The following ATP10A variants were observed in gnomAD, a reference collection of about 807,000 sequenced individuals.
ATP10A encodes phospholipid-transporting ATPase VA.
In ATP10A, 111 loss-of-function variants were observed where a neutral mutation model predicts 147.8. The observed-to-expected ratio is 0.75, with a 90% CI of 0.64 to 0.88. The LOEUF is 0.88. Ranked by LOEUF, ATP10A falls within the 40% of genes least tolerant of loss-of-function variation. The pLI is 0.00. For missense variants in ATP10A, 1,927 were observed against 1,959.0 expected (o/e 0.98, Z 0.31); for synonymous variants, 875 against 841.6 (o/e 1.04, Z -0.69).
At chr15:25,694,167 GCCA>G (rs1445328982) in intron 14 of ATP10A, among the ~76,000 whole-genome samples, 1 of 152,204 alleles carries the variant, frequency 6.6e-6, no homozygotes, top group Non-Finnish European at 1.5e-5. Flanking sequence ...GAGGCGAGTG[GCCA>G]CCATCCCCTC....
rs1245583709 is a variant in ATP10A, at chr15:25,713,781, C to T, written c.2237G>A (p.Arg746His). 6.2e-7 allele frequency: 1 copy of T among 1,614,120 alleles called. No homozygotes were observed. The highest frequency in any genetic ancestry group is 8.5e-7 in the Non-Finnish European group (1 of 1,180,042). The change falls in exon 10 of 21, where the codon CGC (arginine) becomes CAC (histidine). Residue 746 changes from arginine to histidine, a missense_variant. By Grantham distance (29) the Arg-to-His change is conservative. Coordinates refer to ENST00000555815, the MANE Select transcript of ATP10A (RefSeq NM_024490.4). The part of the protein sequence containing the change: ...LLHTLGFDSV[R>H]KRMSVVIRHP... Reference sequence around the variant, plus strand: ...CCGGATCACCACTGACATCCTCTTGCGGACGGAATCGAAACCCAGTGTGTG... The same window carrying T: ...CCGGATCACCACTGACATCCTCTTGTGGACGGAATCGAAACCCAGTGTGTG...
chr15:25,742,272 G>A (rs1187894403), intron 2 of ATP10A, among the ~76,000 whole-genome samples: 2 of 139,314 alleles, frequency 1.4e-5, no homozygotes, highest in Non-Finnish European at 3.3e-5. Context: ...GCTTCACACA[G>A]GTCCACAGGT....
rs184370643 is a variant in ATP10A, at chr15:25,796,391, C to A, written c.450-15168G>T. Among the ~76,000 whole-genome samples the A allele has an allele frequency of 3.5e-3, 353 of 100,640 alleles. 3 individuals are homozygous for A. The highest frequency in any genetic ancestry group is 0.013 in the African/African-American group (343 of 26,956). 66.0% of individuals were successfully genotyped at this position (100,640 alleles called of 152,430 possible). A position where few individuals can be genotyped will look rare whatever the true frequency, so the allele number is the denominator to read the frequency against. ...CTACACTTCAGCCTGAACAAAAGAGCGAGACCCTGTCTCAAAAAAAAAGTA... is the reference window on the plus strand; with the variant it reads ...CTACACTTCAGCCTGAACAAAAGAGAGAGACCCTGTCTCAAAAAAAAAGTA... On this transcript the variant is annotated intron_variant, in intron 1 of 20. Transcript: ENST00000555815.
At chr15:25,776,503 G>A (rs1177774088) in intron 2 of ATP10A, among the ~76,000 whole-genome samples, 4 of 152,220 alleles carry the variant, frequency 2.6e-5, no homozygotes, top group Non-Finnish European at 2.9e-5. Flanking sequence ...TAGGCCTGGC[G>A]TGCAGGAGGC....
At chr15:25,696,690 G>A (rs1357027847) in intron 13 of ATP10A, among the ~76,000 whole-genome samples, 3 of 152,254 alleles carry the variant, frequency 2.0e-5, no homozygotes, top group Non-Finnish European at 2.9e-5. Context: ...GAACCTGGAC[G>A]TGGGCTCCAA....
At chr15:25,750,142 A>T (rs925035261) in intron 2 of ATP10A, among the ~76,000 whole-genome samples, 13 of 152,090 alleles carry the variant, frequency 8.5e-5, no homozygotes, top group Non-Finnish European at 1.6e-4. Flanking sequence ...AGAAAATTAC[A>T]AAGCATATCA....
chr15:25,735,269 C>T (rs2140485121), intron 3 of ATP10A, among the ~76,000 whole-genome samples: 1 of 152,294 alleles, frequency 6.6e-6, no homozygotes, highest in Non-Finnish European at 1.5e-5. Context: ...TCCCCAAGGG[C>T]CCTGGCAGGC....
intron 1 of ATP10A, among the ~76,000 whole-genome samples, chr15:25,796,646 T>A (rs1196503504): frequency 6.6e-6 from 1 of 152,174 alleles, no homozygotes; most frequent in Admixed American, 6.5e-5. Flanking sequence ...TCTCCCATAG[T>A]CATGGACCCT....
At chr15:25,765,466 C>T (rs1888969850) in intron 2 of ATP10A, among the ~76,000 whole-genome samples, 1 of 152,162 alleles carries the variant, frequency 6.6e-6, no homozygotes, top group Admixed American at 6.5e-5. Context: ...ACTTAGCGTT[C>T]CCACCCACAT....
At chr15:25,710,630 C>T (rs1252325273) in intron 10 of ATP10A, 2 of 152,162 alleles carry the variant, frequency 1.3e-5, no homozygotes, top group Non-Finnish European at 2.9e-5. Context: ...GCGATATTTC[C>T]CCAATAAGGA....
intron 2 of ATP10A, among the ~76,000 whole-genome samples, chr15:25,777,782 C>CTTTTT (rs11424373): frequency 7.1e-6 from 1 of 140,254 alleles, no homozygotes; most frequent in Non-Finnish European, 1.5e-5. Context: ...TTCTTTCTTT[C>CTTTTT]TTTTTTTTTT....
At position 25,835,797 on chromosome 15, in the gene ATP10A, A is replaced by G. The variant is rs535291800; in HGVS notation, c.449+26851T>C. 6.6e-5 allele frequency among the ~76,000 whole-genome samples: 10 copies of G among 152,170 alleles called. No individual in the cohort carries two copies. The South Asian group carries it at 1.9e-3, about 28-fold the overall frequency. ...CAAGCTCGTGCCACCACGCCCAGCT[A>G]ATTTTTTATTTTATTTATTTATCTA... On this transcript the variant is annotated intron_variant, in intron 1 of 20. Transcript: ENST00000555815.
chr15:25,860,774 TCA>T (rs1478109711), intron 1 of ATP10A, among the ~76,000 whole-genome samples: 1 of 152,168 alleles, frequency 6.6e-6, no homozygotes, highest in Non-Finnish European at 1.5e-5. Context: ...GATCCCAACC[TCA>T]GTTTCCTCAT....
intron 1 of ATP10A, among the ~76,000 whole-genome samples, chr15:25,787,533 C>T (rs77071602): frequency 0.1 from 15,189 of 150,700 alleles, 840 homozygotes; most frequent in Non-Finnish European, 0.12. Context: ...ATGACTTGAG[C>T]CTGGGAAAGT....
In ATP10A at chr15:25,862,834, T is replaced by G; in HGVS notation, c.263A>C (p.Asn88Thr). The change falls in exon 1 of 21, where the codon AAC becomes ACC. Residue 88 changes from asparagine (N) to threonine (T), a missense_variant. Physicochemically the swap from Asn to Thr is moderately conservative, Grantham distance 65. Transcript: ENST00000555815. ...CAGCGCGATGAAGACAAAGTACACG[T>G]TGGCCGGGCGGTGGAACTGCTCGAA... ...NLFEQFHRPA[N>T]VYFVFIALLN... 2 of 1,610,008 alleles carry G rather than the reference T, an allele frequency of 1.2e-6. No individual in the cohort carries two copies. The highest frequency in any genetic ancestry group is 1.3e-5 in the African/African-American group (1 of 74,960).
intron 9 of ATP10A, among the ~76,000 whole-genome samples, chr15:25,716,188 CAG>C (rs1169728852): frequency 1.3e-5 from 2 of 152,238 alleles, no homozygotes; most frequent in Non-Finnish European, 2.9e-5. Context: ...ACCCCAGGCA[CAG>C]GGAGGAGGCC....
intron 1 of ATP10A, among the ~76,000 whole-genome samples, chr15:25,850,862 A>G (rs1443407331): frequency 6.6e-6 from 1 of 152,220 alleles, no homozygotes; most frequent in Admixed American, 6.5e-5. Context: ...AAAAGGCAGG[A>G]CATAAAAGTA....
chr15:25,847,919 A>C (rs538783488), intron 1 of ATP10A, among the ~76,000 whole-genome samples: 1 of 152,120 alleles, frequency 6.6e-6, no homozygotes, highest in South Asian at 2.1e-4. Context: ...GATGTGAGCC[A>C]CCACACCTGG....
intron 2 of ATP10A, among the ~76,000 whole-genome samples, chr15:25,772,666 G>C (rs146367268): frequency 6.6e-6 from 1 of 152,158 alleles, no homozygotes; most frequent in Admixed American, 6.5e-5. Flanking sequence ...GTGCCAGTGC[G>C]GCAAAGGTCA....
Sources: allele counts gnomAD v4.1 joint callset (sites outside exome capture counted in the v4.1 genomes callset), GRCh38; gene constraint gnomAD v4.1.1; transcripts MANE v1.5; gene names NCBI Gene and HGNC (gene_info 2026-07-23, HGNC 2026-07-21).